The following RPGR variants were observed in gnomAD, a reference collection of about 807,000 sequenced individuals.
The protein encoded by RPGR is retinitis pigmentosa GTPase regulator.
RPGR carries 10 observed loss-of-function variants against 56.3 expected under a neutral mutation model. The observed-to-expected ratio is 0.18, with a 90% CI of 0.11 to 0.30. The LOEUF is 0.30. Among genes scored for constraint, RPGR ranks in the 10% least tolerant of loss-of-function variants. RPGR has a pLI of 1.00. For missense variants in RPGR, 538 were observed against 590.9 expected (o/e 0.91, Z 0.93); for synonymous variants, 197 against 212.9 (o/e 0.93, Z 0.65).
At chrX:38,287,609 T>G (rs2067210078) in intron 14 of RPGR, 7 of 508,748 alleles carry the variant, frequency 1.4e-5, no homozygotes, top group Non-Finnish European at 2.1e-5. Flanking sequence ...AAGAAAGGAC[T>G]CATCTTTTTT....
In RPGR at chrX:38,327,485, TG is replaced by T; in HGVS notation, c.-119del. ...GCCGCGAAAGCCCCCAAGTTCCGCATGGCGAAACTCCGGAGATCAACTACAA... is the reference window on the plus strand; with the variant it reads ...GCCGCGAAAGCCCCCAAGTTCCGCATGCGAAACTCCGGAGATCAACTACAA... On this transcript the variant is annotated 5_prime_UTR_variant, in exon 1 of 19. Coordinates refer to ENST00000642395, the MANE Select transcript of RPGR (RefSeq NM_000328.3). 2 of 704,370 alleles carry T rather than the reference TG, an allele frequency of 2.8e-6. No homozygotes were observed. The highest frequency in any genetic ancestry group is 4.0e-6 in the Non-Finnish European group (2 of 498,372). The allele number at this position is 704,370 out of a possible 1,213,427, so 58.0% of individuals were successfully genotyped here.
At position 38,317,404 on chromosome X, in the gene RPGR, T is replaced by C; in HGVS notation, c.531A>G (p.Val177=). ...CTTGCTGAGGGACACAGACATTACTTACATTTTTTAAACCAATTTGCCCTT... is the reference window on the plus strand; with the variant it reads ...CTTGCTGAGGGACACAGACATTACTCACATTTTTTAAACCAATTTGCCCTT... The change falls in exon 6 of 19, where the codon GTA becomes GTG. Residue 177 remains valine (V), a synonymous_variant. Transcript: ENST00000642395. The C allele has an allele frequency of 1.7e-6, 2 of 1,209,342 alleles. No homozygotes were observed. The highest frequency in any genetic ancestry group is 2.2e-5 in the Admixed American group (1 of 45,976).
intron 11 of RPGR, among the ~76,000 whole-genome samples, chrX:38,293,872 GCT>G (rs1366116925): frequency 9.0e-6 from 1 of 111,243 alleles, no homozygotes; most frequent in Non-Finnish European, 1.9e-5. Context: ...TCTCTTCTGT[GCT>G]CTCTCTCCAG....
rs369391462 is a variant in RPGR at position 38,299,103 on chromosome X, A to G, written c.1098T>C (p.Ala366=). Residue 366 remains alanine, a synonymous_variant, in exon 10 of 19, where the codon GCT becomes GCC. Transcript: ENST00000642395. Reference sequence around the variant, plus strand: ...TTTCTTTTGCCACACCACGATGAGGAGCAGCAAAAACTACCATGTGACATC... The same window carrying G: ...TTTCTTTTGCCACACCACGATGAGGGGCAGCAAAAACTACCATGTGACATC... 64 of 1,209,903 alleles carry G rather than the reference A, an allele frequency of 5.3e-5. No individual in the cohort carries two copies. The highest frequency in any genetic ancestry group is 7.1e-5 in the Non-Finnish European group (64 of 895,170).
chrX:38,313,054 G>A (rs1008263095), intron 6 of RPGR, among the ~76,000 whole-genome samples: 2 of 111,011 alleles, frequency 1.8e-5, no homozygotes, highest in Non-Finnish European at 3.8e-5. Context: ...ACTCAACTAT[G>A]CAATAATCTC....
At chrX:38,320,543 T>C (rs1187362091) in intron 4 of RPGR, among the ~76,000 whole-genome samples, 1 of 112,451 alleles carries the variant, frequency 8.9e-6, no homozygotes, top group Non-Finnish European at 1.9e-5. Context: ...TGAAACCAGG[T>C]AGTGCCAGTC....
chrX:38,315,055 C>T (rs774049440), intron 6 of RPGR, among the ~76,000 whole-genome samples: 23 of 111,619 alleles, frequency 2.1e-4, no homozygotes, highest in African/African-American at 6.8e-4. Context: ...TGGGGCCAGA[C>T]GCGGTGGCTC....
intron 5 of RPGR, chrX:38,317,781 G>T: frequency 5.1e-6 from 1 of 195,459 alleles, no homozygotes; most frequent in Non-Finnish European, 9.4e-6. Flanking sequence ...TTTCTAAACA[G>T]AAATGTTCTC....
chrX:38,322,281 A>G (rs746927809), intron 3 of RPGR, among the ~76,000 whole-genome samples: 5 of 112,059 alleles, frequency 4.5e-5, no homozygotes, highest in Non-Finnish European at 9.4e-5. Context: ...TGCATATAAC[A>G]TCCAGAAAGC....
chrX:38,324,141 T>C (rs1419525375), intron 1 of RPGR, among the ~76,000 whole-genome samples: 1 of 111,922 alleles, frequency 8.9e-6, no homozygotes, highest in East Asian at 2.8e-4. Context: ...TGAAGCGCAG[T>C]GGCACAATCA....
At chrX:38,269,858 T>C (rs1482457294) in intron 18 of RPGR, 2 of 1,041,839 alleles carry the variant, frequency 1.9e-6, no homozygotes, top group Non-Finnish European at 2.7e-6. Flanking sequence ...CACACACAAA[T>C]ATTCATTTCC....
In RPGR at chrX:38,294,762, G is replaced by A. The variant is rs756400845; in HGVS notation, c.1414+2522C>T. 4.5e-5 allele frequency among the ~76,000 whole-genome samples: 5 copies of A among 112,337 alleles called. No homozygotes were observed. In the South Asian group the frequency reaches 1.5e-3, roughly 33 times the overall value. ...CTTGATTCCTCACTTTAATTCACAC[G>A]TATGTGTGGTGCATTAATAAGTTTA... On this transcript the variant is annotated intron_variant, in intron 11 of 18. Transcript: ENST00000642395.
intron 11 of RPGR, among the ~76,000 whole-genome samples, chrX:38,292,019 C>T (rs1022187695): frequency 1.8e-5 from 2 of 111,180 alleles, no homozygotes; most frequent in Non-Finnish European, 3.8e-5. Context: ...TCGTGCACTC[C>T]CTCTCTTTCT....
At chrX:38,284,840 CTTCA>C in intron 15 of RPGR, 1 of 751,810 alleles carries the variant, frequency 1.3e-6, no homozygotes, top group Non-Finnish European at 1.6e-6. Context: ...ACAAAAAATA[CTTCA>C]AGTTTTACAT....
At position 38,315,571 on chromosome X, in the gene RPGR, A is replaced by G. The variant is rs111687783; in HGVS notation, c.619+1745T>C. Among the ~76,000 whole-genome samples the G allele has an allele frequency of 9.9e-3, 1,098 of 111,453 alleles. 10 individuals are homozygous for G. The highest frequency in any genetic ancestry group is 0.033 in the African/African-American group (1,012 of 30,693). ...ATTGTTACCAAAGGCTAGAAAGGGT[A>G]GTGGGGTGTGTGTAGGAGGGAGGTT... On this transcript the variant is annotated intron_variant, in intron 6 of 18. Transcript: ENST00000642395.
intron 7 of RPGR, among the ~76,000 whole-genome samples, chrX:38,309,815 C>T (rs1326778953): frequency 9.1e-6 from 1 of 109,796 alleles, no homozygotes; most frequent in South Asian, 3.8e-4. Flanking sequence ...ATGACAAGAG[C>T]GAAACTCCGT....
chrX:38,285,823 C>G (rs1399961068), intron 15 of RPGR: 2 of 1,209,450 alleles, frequency 1.7e-6, no homozygotes. Context: ...CTCCTCTTCT[C>G]TGTTCCTCCT....
At chrX:38,270,592 C>G (rs1351160785) in intron 18 of RPGR, among the ~76,000 whole-genome samples, 5 of 99,416 alleles carry the variant, frequency 5.0e-5, no homozygotes, top group African/African-American at 1.9e-4. Flanking sequence ...CACTGCACTC[C>G]AGCTTGGGCG....
chrX:38,325,222 G>A (rs1250257660), intron 1 of RPGR, among the ~76,000 whole-genome samples: 2 of 107,791 alleles, frequency 1.9e-5, no homozygotes, highest in Non-Finnish European at 3.8e-5. Context: ...GAAACACAGA[G>A]TTCACCATTT....
Sources: gnomAD v4.1 joint callset for allele counts (sites outside exome capture counted in the v4.1 genomes callset) on GRCh38, gnomAD v4.1.1 for gene constraint, MANE v1.5 for transcripts, NCBI Gene and HGNC (gene_info 2026-07-23, HGNC 2026-07-21) for gene names.